TBC1D19: variants seen among roughly 807,000 people sequenced by gnomAD.
The protein encoded by TBC1D19 is TBC1 domain family member 19, also known as TBC1 domain family, member 19.
Under a neutral mutation model 89.0 loss-of-function variants are expected in TBC1D19, and 60 were observed. The ratio of observed to expected loss-of-function variants is 0.67; its 90% CI spans 0.55 to 0.84. The LOEUF is 0.84. Among genes scored for constraint, TBC1D19 ranks in the 40% least tolerant of loss-of-function variants. TBC1D19 has a pLI of 0.00. For synonymous variants in TBC1D19, 189 were observed against 199.7 expected, an observed-to-expected ratio of 0.95 and a Z score of 0.45; for missense variants, 500 against 610.8, an observed-to-expected ratio of 0.82 and a Z score of 1.91.
rs1194293365 is a variant in TBC1D19 at position 26,688,412 on chromosome 4, G to C, written c.954+5G>C. 1 of 1,551,062 alleles carries C rather than the reference G, an allele frequency of 6.4e-7. No homozygotes were observed. Among genetic ancestry groups the C allele is most frequent in the South Asian group, 1.2e-5 (1 of 86,626 alleles). Reference sequence around the variant, plus strand: ...TTTGAAGATTATTTATATCAGGTAAGTTTAAAAATAAAAATACATAGTGTT... The same window carrying C: ...TTTGAAGATTATTTATATCAGGTAACTTTAAAAATAAAAATACATAGTGTT... On this transcript the variant is annotated splice_donor_5th_base_variant and intron_variant, in intron 13 of 20. Transcript: ENST00000264866.
At chr4:26,716,303 G>A (rs1179230698) in intron 13 of TBC1D19, among the ~76,000 whole-genome samples, 1 of 152,048 alleles carries the variant, frequency 6.6e-6, no homozygotes, top group African/African-American at 2.4e-5. Flanking sequence ...AATGGAACAG[G>A]GGGGATAAAA....
At chr4:26,815,527 A>G in the TBC1D19 span, among the ~76,000 whole-genome samples, 118 of 152,342 alleles carry the variant, frequency 7.7e-4, no homozygotes, top group African/African-American at 2.6e-3. Flanking sequence ...TAAATAACTG[A>G]TACTCTTGAC....
Position 26,640,664 on chromosome 4 carries a change from A to G in TBC1D19, c.480+477A>G, listed in dbSNP as rs1040850525. 2.6e-5 allele frequency among the ~76,000 whole-genome samples: 4 copies of G among 152,230 alleles called. No homozygotes were observed. The East Asian group carries it at 7.7e-4, about 29-fold the overall frequency. ...TTCCCTTTCTGACCCAAGGGAAGCC[A>G]TAACAGACTGTACCAGGAAAATCAG... is the stretch of plus-strand genomic sequence containing the variant. On this transcript the variant is annotated intron_variant, in intron 7 of 20. Coordinates refer to ENST00000264866, the MANE Select transcript of TBC1D19 (RefSeq NM_018317.4).
intron 11 of TBC1D19, among the ~76,000 whole-genome samples, chr4:26,683,075 A>G (rs756400786): frequency 1.3e-5 from 2 of 152,182 alleles, no homozygotes; most frequent in Non-Finnish European, 2.9e-5. Context: ...TAATATTAAA[A>G]GCTGACTTTA....
chr4:26,751,207 G>C (rs976148626), intron 19 of TBC1D19, among the ~76,000 whole-genome samples: 2 of 152,136 alleles, frequency 1.3e-5, no homozygotes, highest in Admixed American at 6.6e-5. Flanking sequence ...GATAAATAAA[G>C]GTTATGAGCA....
At chr4:26,822,714 A>G in the TBC1D19 span, among the ~76,000 whole-genome samples, 4 of 152,192 alleles carry the variant, frequency 2.6e-5, no homozygotes, top group Admixed American at 2.6e-4. Context: ...TCATTTAGGC[A>G]AGTACATTAG....
chr4:26,743,432 T>A (rs1718479692), intron 18 of TBC1D19, among the ~76,000 whole-genome samples: 1 of 152,068 alleles, frequency 6.6e-6, no homozygotes, highest in Admixed American at 6.5e-5. Context: ...AGCTTTGTAA[T>A]CCTGGTGAAG....
intron 9 of TBC1D19, among the ~76,000 whole-genome samples, chr4:26,666,901 C>G (rs2109093724): frequency 6.6e-6 from 1 of 151,794 alleles, no homozygotes; most frequent in South Asian, 2.1e-4. Context: ...AAATGAAGTA[C>G]AAATTTACTT....
In TBC1D19 at chr4:26,620,481, A is replaced by G. The variant is rs191012037; in HGVS notation, c.219-132A>G. The G allele has an allele frequency of 6.3e-5, 45 of 719,106 alleles. No homozygotes were observed. The East Asian group carries it at 1.1e-3, about 18-fold the overall frequency. The allele number at this position is 719,106 out of a possible 1,614,324, so 44.5% of individuals were successfully genotyped here. On this transcript the variant is annotated intron_variant, in intron 3 of 20. Coordinates refer to ENST00000264866, the MANE Select transcript of TBC1D19 (RefSeq NM_018317.4). ...TTGACTACATCAATCTATTTTCTTA[A>G]TAAAAACAGTACATTTTGAATATAA...
At chr4:26,728,809 C>G (rs1009536386) in intron 15 of TBC1D19, among the ~76,000 whole-genome samples, 3 of 151,780 alleles carry the variant, frequency 2.0e-5, no homozygotes, top group Non-Finnish European at 2.9e-5. Flanking sequence ...GTCAGGAGAT[C>G]GAGACCATCC....
chr4:26,659,976 T>C (rs982294968), intron 8 of TBC1D19, among the ~76,000 whole-genome samples: 12 of 152,176 alleles, frequency 7.9e-5, no homozygotes, highest in Non-Finnish European at 1.5e-4. Context: ...CTTGTTGGGA[T>C]TGAGTTGTCT....
intron 11 of TBC1D19, among the ~76,000 whole-genome samples, chr4:26,679,305 C>T (rs1713121408): frequency 6.6e-6 from 1 of 152,158 alleles, no homozygotes; most frequent in Non-Finnish European, 1.5e-5. Flanking sequence ...GCTTCAGCTC[C>T]AGCCATGACT....
At chr4:26,665,460 A>T (rs1001482138) in intron 8 of TBC1D19, among the ~76,000 whole-genome samples, 1 of 152,082 alleles carries the variant, frequency 6.6e-6, no homozygotes, top group African/African-American at 2.4e-5. Flanking sequence ...TGGGCATAAA[A>T]ATGTGAATAA....
intron 13 of TBC1D19, among the ~76,000 whole-genome samples, chr4:26,696,714 C>G (rs1389852624): frequency 6.6e-6 from 1 of 152,188 alleles, no homozygotes; most frequent in Non-Finnish European, 1.5e-5. Flanking sequence ...TCACTCAGAA[C>G]AGCTCAACTA....
chr4:26,753,933 A>G (rs1002235937), intron 20 of TBC1D19, 43 bp downstream of exon 20: 29 of 1,607,364 alleles, frequency 1.8e-5, no homozygotes, highest in Non-Finnish European at 2.5e-5. Flanking sequence ...ATAGTTTCTG[A>G]GAGATTGCCA....
the TBC1D19 span, among the ~76,000 whole-genome samples, chr4:26,804,050 C>T: frequency 6.6e-6 from 1 of 151,282 alleles, no homozygotes; most frequent in Non-Finnish European, 1.5e-5. Context: ...AGGGACCTAA[C>T]TCCTTAAAAA....
At chr4:26,842,842 G>T in the TBC1D19 span, among the ~76,000 whole-genome samples, 3 of 151,824 alleles carry the variant, frequency 2.0e-5, no homozygotes, top group Admixed American at 2.0e-4. Context: ...ATATCATCTC[G>T]ACACACATTT....
At chr4:26,689,975 C>T (rs1714131886) in intron 13 of TBC1D19, among the ~76,000 whole-genome samples, 1 of 152,184 alleles carries the variant, frequency 6.6e-6, no homozygotes, top group Non-Finnish European at 1.5e-5. Context: ...AGGCCTCTTG[C>T]ACCAAACAGC....
chr4:26,822,004 A>G, the TBC1D19 span, among the ~76,000 whole-genome samples: 1 of 152,244 alleles, frequency 6.6e-6, no homozygotes, highest in Non-Finnish European at 1.5e-5. Flanking sequence ...CAGTCGCCAC[A>G]TGGGGAAACA....
Sources: allele counts gnomAD v4.1 joint callset (sites outside exome capture counted in the v4.1 genomes callset), GRCh38; gene constraint gnomAD v4.1.1; transcripts MANE v1.5; gene names NCBI Gene and HGNC (gene_info 2026-07-23, HGNC 2026-07-21).